The following SPSB1 variants were observed in gnomAD, a reference collection of about 807,000 sequenced individuals.
SPSB1 encodes the protein SPRY domain-containing SOCS box protein 1.
In SPSB1, 8 loss-of-function variants were observed where a neutral mutation model predicts 21.2. That is an observed-to-expected ratio of 0.38 (90% CI 0.22 to 0.68). The LOEUF (loss-of-function observed/expected upper bound fraction) is 0.68, where lower values mean the gene tolerates loss of function less well. Ranked by LOEUF, SPSB1 falls within the 30% of genes least tolerant of loss-of-function variation. SPSB1 has a pLI of 0.53. For synonymous variants in SPSB1, 169 were observed against 161.7 expected, an observed-to-expected ratio of 1.05 and a Z score of -0.34; for missense variants, 242 against 377.8, an observed-to-expected ratio of 0.64 and a Z score of 2.98.
At chr1:9,337,460 G>A (rs1640021682) in intron 1 of SPSB1, among the ~76,000 whole-genome samples, 1 of 151,946 alleles carries the variant, frequency 6.6e-6, no homozygotes, top group African/African-American at 2.4e-5. Context: ...TAACTTTAAG[G>A]CCTCCATGGT....
In SPSB1 at chr1:9,317,773, G is replaced by A. The variant is rs556201297; in HGVS notation, c.-150+24702G>A. Among the ~76,000 whole-genome samples, 2 of 152,048 alleles carry A rather than the reference G, an allele frequency of 1.3e-5. No individual in the cohort carries two copies. Among genetic ancestry groups the A allele is most frequent in the African/African-American group, 2.4e-5 (1 of 41,388 alleles). ...GTTGGGATTACAGGCGTGAGTCACC[G>A]TGCCTGGCCAGAAAAGACAGTTTCA... On this transcript the variant is annotated intron_variant, in intron 1 of 2. Coordinates refer to ENST00000328089, the MANE Select transcript of SPSB1 (RefSeq NM_025106.4). The surrounding 1 kb of genome is among the most constrained non-coding windows in gnomAD (Gnocchi z 4.3).
At position 9,348,937 on chromosome 1, in the gene SPSB1, ATGTGTGTGTGTG is replaced by A. The variant is rs76253052; in HGVS notation, c.-149-6790_-149-6779del. On this transcript the variant is annotated intron_variant, in intron 1 of 2. Coordinates refer to ENST00000328089, the MANE Select transcript of SPSB1 (RefSeq NM_025106.4). This position sits in a 1 kb window ranked among gnomAD's most constrained non-coding sequence, Gnocchi z 4.8. ...GACATCCCCTTTCACTCGTGCAAGAATGTGTGTGTGTGTGTGTGTGTGTGTGTATATGTGCGT... is the reference window on the plus strand; with the variant it reads ...GACATCCCCTTTCACTCGTGCAAGAATGTGTGTGTGTGTGTATATGTGCGT... 0.013 allele frequency among the ~76,000 whole-genome samples: 1,980 copies of A among 150,832 alleles called. 16 individuals are homozygous for A. The highest frequency in any genetic ancestry group is 0.018 in the Non-Finnish European group (1,218 of 67,658).
At chr1:9,366,922 G>A (rs1157078514) in intron 2 of SPSB1, among the ~76,000 whole-genome samples, 3 of 152,196 alleles carry the variant, frequency 2.0e-5, no homozygotes, top group Non-Finnish European at 2.9e-5. Flanking sequence ...AGAGCAGCTG[G>A]TAACAGAAAA....
chr1:9,360,132 G>A (rs1640445759), intron 2 of SPSB1, among the ~76,000 whole-genome samples: 1 of 152,146 alleles, frequency 6.6e-6, no homozygotes, highest in South Asian at 2.1e-4. Context: ...CTGCCACCCT[G>A]GGTGAGGTCA....
At chr1:9,355,616 G>A (rs1289893043) in intron 1 of SPSB1, 127 bp from the exon 2 acceptor site, 3 of 1,086,342 alleles carry the variant, frequency 2.8e-6, no homozygotes, top group East Asian at 3.7e-5. Context: ...GCCTGCCCGT[G>A]TCAGGCATGA....
At chr1:9,294,188 GTGTGTCTCTGTGTCTT>G (rs1452961318) in intron 1 of SPSB1, among the ~76,000 whole-genome samples, 4 of 151,980 alleles carry the variant, frequency 2.6e-5, no homozygotes, top group African/African-American at 9.7e-5. Flanking sequence ...CTCTGCAAAT[GTGTGTCTCTGTGTCTT>G]TGTGTCTGTG....
rs1016645679 is a variant in SPSB1 at position 9,339,213 on chromosome 1, C to T, written c.-149-16530C>T. The T allele has an allele frequency of 1.2e-5, 12 of 985,304 alleles. No homozygotes were observed. In the African/African-American group the frequency reaches 2.1e-4, roughly 17 times the overall value. The allele number at this position is 985,304 out of a possible 1,614,324, so 61.0% of individuals were successfully genotyped here. A position where few individuals can be genotyped will look rare whatever the true frequency, so the allele number is the denominator to read the frequency against. ...GGTGAGGACCTGTGGGGCTTTTCTC[C>T]TGGGTCTTTTCCCAGGCACTTGCCT... On this transcript the variant is annotated intron_variant, in intron 1 of 2. Transcript: ENST00000328089.
intron 1 of SPSB1, among the ~76,000 whole-genome samples, chr1:9,315,785 ACT>A (rs1345500684): frequency 6.6e-6 from 1 of 152,240 alleles, no homozygotes; most frequent in Non-Finnish European, 1.5e-5. Flanking sequence ...AAGGTTGCTG[ACT>A]AATTCTCTTT....
intron 1 of SPSB1, among the ~76,000 whole-genome samples, chr1:9,338,440 G>T (rs1041359977): frequency 6.6e-6 from 1 of 152,354 alleles, no homozygotes; most frequent in Admixed American, 6.5e-5. Context: ...CACTTGTGGG[G>T]GTCAGTGTAC....
At chr1:9,365,879 C>T (rs770062807) in intron 2 of SPSB1, among the ~76,000 whole-genome samples, 9 of 152,172 alleles carry the variant, frequency 5.9e-5, no homozygotes, top group Non-Finnish European at 8.8e-5. Flanking sequence ...TGCAGAACAG[C>T]GTGGGCGGCC....
intron 1 of SPSB1, among the ~76,000 whole-genome samples, chr1:9,336,320 G>A (rs558696561): frequency 2.7e-5 from 4 of 150,728 alleles, no homozygotes; most frequent in South Asian, 4.2e-4. Flanking sequence ...CTCTGCCTCC[G>A]AGTTCAAGTG....
At chr1:9,320,000 CAG>C (rs1478459371) in intron 1 of SPSB1, among the ~76,000 whole-genome samples, 2 of 152,136 alleles carry the variant, frequency 1.3e-5, no homozygotes, top group Non-Finnish European at 2.9e-5. Context: ...CTCGACTTCT[CAG>C]GGGTGGAGGG....
chr1:9,358,172 CG>C (rs1235128051), intron 2 of SPSB1, among the ~76,000 whole-genome samples: 1 of 152,170 alleles, frequency 6.6e-6, no homozygotes, highest in South Asian at 2.1e-4. Context: ...GGGAAAGTGT[CG>C]GGGTGGTTAG....
In SPSB1 at chr1:9,367,638, C is replaced by A. The variant is rs977299822; in HGVS notation, c.*63C>A. On this transcript the variant is annotated 3_prime_UTR_variant, in exon 3 of 3. Coordinates refer to ENST00000328089, the MANE Select transcript of SPSB1 (RefSeq NM_025106.4). This position sits in a 1 kb window ranked among gnomAD's most constrained non-coding sequence, Gnocchi z 5.9. ...TGCCAACTCACTGAGCCGCCTGCCGCTGGGGCCGCCGCACCCTGCACCTTG... is the reference window on the plus strand; with the variant it reads ...TGCCAACTCACTGAGCCGCCTGCCGATGGGGCCGCCGCACCCTGCACCTTG... 1.3e-6 allele frequency: 2 copies of A among 1,518,874 alleles called. No homozygotes were observed. Among genetic ancestry groups the A allele is most frequent in the South Asian group, 1.3e-5 (1 of 79,754 alleles). 94.1% of individuals were successfully genotyped at this position (1,518,874 alleles called of 1,614,324 possible).
intron 1 of SPSB1, among the ~76,000 whole-genome samples, chr1:9,294,164 C>G (rs1340718421): frequency 6.9e-6 from 1 of 144,078 alleles, no homozygotes; most frequent in Non-Finnish European, 1.6e-5. Flanking sequence ...AAGTTTGTGT[C>G]TCTGAGTGTC....
rs986183147 is a variant in SPSB1 at position 9,293,775 on chromosome 1, C to T, written c.-150+704C>T. Among the ~76,000 whole-genome samples the T allele has an allele frequency of 5.9e-5, 9 of 152,030 alleles. No individual in the cohort carries two copies. Among genetic ancestry groups the T allele is most frequent in the African/African-American group, 2.2e-4 (9 of 41,410 alleles). On this transcript the variant is annotated intron_variant, in intron 1 of 2. Coordinates refer to ENST00000328089, the MANE Select transcript of SPSB1 (RefSeq NM_025106.4). This position sits in a 1 kb window ranked among gnomAD's most constrained non-coding sequence, Gnocchi z 5.1. Reference sequence around the variant, plus strand: ...GGGCGTGTACTGGGCTCGGTGGCGTCCAGGTTCCGGTGAGGACGGGACGGC... The same window carrying T: ...GGGCGTGTACTGGGCTCGGTGGCGTTCAGGTTCCGGTGAGGACGGGACGGC...
chr1:9,349,284 C>T (rs1315209745), intron 1 of SPSB1, among the ~76,000 whole-genome samples: 5 of 152,218 alleles, frequency 3.3e-5, no homozygotes, highest in African/African-American at 1.2e-4. Flanking sequence ...CCGAGCCCAG[C>T]CCTCCCGTGC....
At chr1:9,352,485 T>C (rs528620561) in intron 1 of SPSB1, among the ~76,000 whole-genome samples, 1 of 152,288 alleles carries the variant, frequency 6.6e-6, no homozygotes, top group African/African-American at 2.4e-5. Context: ...TTATGTCCCG[T>C]CTGTGGCTGC....
At chr1:9,357,601 A>C (rs1640394871) in intron 2 of SPSB1, among the ~76,000 whole-genome samples, 1 of 152,222 alleles carries the variant, frequency 6.6e-6, no homozygotes, top group Non-Finnish European at 1.5e-5. Flanking sequence ...GCTCTGAGAT[A>C]CAGTCCTGAG....
Sources: allele counts gnomAD v4.1 joint callset (sites outside exome capture counted in the v4.1 genomes callset), GRCh38; gene constraint gnomAD v4.1.1; non-coding constraint Gnocchi (gnomAD v3.1); transcripts MANE v1.5; gene names NCBI Gene and HGNC (gene_info 2026-07-23, HGNC 2026-07-21).